TCF7L1: variants seen among roughly 807,000 people sequenced by gnomAD.
TCF7L1 encodes transcription factor 7-like 1.
In TCF7L1, 18 loss-of-function variants were observed where a neutral mutation model predicts 63.7. The ratio of observed to expected loss-of-function variants is 0.28; its 90% CI spans 0.20 to 0.42. TCF7L1 has a LOEUF of 0.42. Ranked by LOEUF, TCF7L1 falls within the 10% of genes least tolerant of loss-of-function variation. The probability of loss-of-function intolerance (pLI) is 1.00; values close to 1 mark genes in which losing one functional copy is unlikely to be tolerated. For synonymous variants in TCF7L1, 355 were observed against 340.9 expected, an observed-to-expected ratio of 1.04 and a Z score of -0.46; for missense variants, 654 against 779.3, an observed-to-expected ratio of 0.84 and a Z score of 1.91.
At chr2:85,249,464 C>T (rs192331541) in intron 3 of TCF7L1, among the ~76,000 whole-genome samples, 1 of 152,282 alleles carries the variant, frequency 6.6e-6, no homozygotes, top group Admixed American at 6.5e-5. Context: ...CATCCTGTGC[C>T]TCTTTCCTTT....
chr2:85,159,518 T>C (rs928175638), intron 3 of TCF7L1, among the ~76,000 whole-genome samples: 2 of 152,224 alleles, frequency 1.3e-5, no homozygotes, highest in African/African-American at 4.8e-5. Flanking sequence ...ACACATTGGC[T>C]GCCTGCACTT....
chr2:85,168,458 T>G (rs1279162190), intron 3 of TCF7L1, among the ~76,000 whole-genome samples: 1 of 152,118 alleles, frequency 6.6e-6, no homozygotes, highest in African/African-American at 2.4e-5. Context: ...AGGCAGGCCC[T>G]ACACTGTCCC....
rs7574999 is a variant in TCF7L1, at chr2:85,283,842, A to G, written c.525+264A>G. 0.66 allele frequency among the ~76,000 whole-genome samples: 99,809 copies of G among 152,088 alleles called. 33,429 individuals are homozygous for G. Among genetic ancestry groups the G allele is most frequent in the African/African-American group, 0.79 (32,583 of 41,486 alleles). ...CTGGCTGCTCACCCTGGTTCATCACAGAAGCCTGCCTGCGATCCTTCCCGG... is the reference window on the plus strand; with the variant it reads ...CTGGCTGCTCACCCTGGTTCATCACGGAAGCCTGCCTGCGATCCTTCCCGG... On this transcript the variant is annotated intron_variant, in intron 4 of 11. Coordinates refer to ENST00000282111, the MANE Select transcript of TCF7L1 (RefSeq NM_031283.3).
At chr2:85,170,257 G>A (rs1014739771) in intron 3 of TCF7L1, among the ~76,000 whole-genome samples, 1 of 152,096 alleles carries the variant, frequency 6.6e-6, no homozygotes, top group Non-Finnish European at 1.5e-5. Context: ...TCTTCCATAG[G>A]TGGATTTCAT....
At chr2:85,205,807 C>T (rs766230256) in intron 3 of TCF7L1, among the ~76,000 whole-genome samples, 4 of 152,204 alleles carry the variant, frequency 2.6e-5, no homozygotes, top group East Asian at 1.9e-4. Context: ...AGGCGTGAGC[C>T]GCTGCACCCA....
chr2:85,183,130 G>C (rs1455074843), intron 3 of TCF7L1, among the ~76,000 whole-genome samples: 1 of 152,144 alleles, frequency 6.6e-6, no homozygotes, highest in Non-Finnish European at 1.5e-5. Context: ...GGTATTGTCT[G>C]TGCCACAGTG....
chr2:85,169,279 T>A (rs1220352422), intron 3 of TCF7L1, among the ~76,000 whole-genome samples: 1 of 151,788 alleles, frequency 6.6e-6, no homozygotes, highest in Admixed American at 6.6e-5. Flanking sequence ...TTCCAGACTC[T>A]ACCCCCTAGC....
intron 3 of TCF7L1, among the ~76,000 whole-genome samples, chr2:85,213,469 A>G (rs570976787): frequency 5.6e-4 from 85 of 152,294 alleles, no homozygotes; most frequent in African/African-American, 1.8e-3. Context: ...TTTGGAAGGT[A>G]AGGTCACTGT....
chr2:85,133,696 C>T lies in TCF7L1; in HGVS notation c.12C>T (p.Leu4=), dbSNP rs1354991430. Residue 4 remains leucine, a synonymous_variant, in exon 1 of 12, where the codon CTC becomes CTT. Transcript: ENST00000282111. This position sits in a 1 kb window ranked among gnomAD's most constrained non-coding sequence, Gnocchi z 4.4. MPQ[L]GGGGGGGGGG... is the part of the protein sequence containing the mutation. Reference sequence around the variant, plus strand: ...CCCGCGGCCCCACCATGCCCCAGCTCGGCGGCGGGGGCGGCGGCGGCGGCG... The same window carrying T: ...CCCGCGGCCCCACCATGCCCCAGCTTGGCGGCGGGGGCGGCGGCGGCGGCG... 6 of 1,001,184 alleles carry T rather than the reference C, an allele frequency of 6.0e-6. No homozygotes were observed. The highest frequency in any genetic ancestry group is 7.1e-6 in the Non-Finnish European group (6 of 846,298). 62.0% of individuals were successfully genotyped at this position (1,001,184 alleles called of 1,614,324 possible).
At chr2:85,220,931 C>G (rs1418689032) in intron 3 of TCF7L1, among the ~76,000 whole-genome samples, 2 of 152,020 alleles carry the variant, frequency 1.3e-5, no homozygotes, top group African/African-American at 4.8e-5. Flanking sequence ...AAAATAAAAC[C>G]AGGCTCCTGG....
chr2:85,287,883 T>C (rs1681601165), intron 4 of TCF7L1, among the ~76,000 whole-genome samples: 1 of 152,214 alleles, frequency 6.6e-6, no homozygotes, highest in Non-Finnish European at 1.5e-5. Flanking sequence ...TTTCTATTTA[T>C]GCAGCTCCAA....
At chr2:85,159,289 G>C (rs1277423103) in intron 3 of TCF7L1, among the ~76,000 whole-genome samples, 2 of 152,124 alleles carry the variant, frequency 1.3e-5, no homozygotes, top group African/African-American at 4.8e-5. Flanking sequence ...ATGGTGCCCA[G>C]GCGCCCGGGG....
At position 85,238,093 on chromosome 2, in the gene TCF7L1, T is replaced by C. The variant is rs553149265; in HGVS notation, c.442-45402T>C. On this transcript the variant is annotated intron_variant, in intron 3 of 11. Coordinates refer to ENST00000282111, the MANE Select transcript of TCF7L1 (RefSeq NM_031283.3). Reference sequence around the variant, plus strand: ...AAGCAGATGATTATTAGGTTCCTGCTGTATACCCAGAGCAGCCCTGGCGCA... The same window carrying C: ...AAGCAGATGATTATTAGGTTCCTGCCGTATACCCAGAGCAGCCCTGGCGCA... Among the ~76,000 whole-genome samples the C allele has an allele frequency of 3.3e-5, 5 of 151,270 alleles. No individual in the cohort carries two copies. In the South Asian group the frequency reaches 1.0e-3, roughly 31 times the overall value.
At chr2:85,215,986 C>T (rs903197633) in intron 3 of TCF7L1, among the ~76,000 whole-genome samples, 2 of 152,064 alleles carry the variant, frequency 1.3e-5, no homozygotes, top group African/African-American at 4.8e-5. Flanking sequence ...GGTTTTGAGG[C>T]CTCTGAAGAG....
chr2:85,265,477 A>T, intron 3 of TCF7L1, among the ~76,000 whole-genome samples: 1 of 152,106 alleles, frequency 6.6e-6, no homozygotes, highest in Admixed American at 6.5e-5. Flanking sequence ...CCCAGAGGGG[A>T]ATCCCTCTGG....
intron 3 of TCF7L1, among the ~76,000 whole-genome samples, chr2:85,154,895 C>A (rs988827917): frequency 2.0e-5 from 3 of 152,124 alleles, no homozygotes; most frequent in African/African-American, 4.8e-5. Context: ...CAGCTCACTG[C>A]AACCTCTGCC....
intron 3 of TCF7L1, among the ~76,000 whole-genome samples, chr2:85,144,719 C>CTCTCTGTGTG (rs1553393493): frequency 1.6e-4 from 22 of 140,524 alleles, no homozygotes; most frequent in African/African-American, 5.2e-4. Context: ...CTCTCTCTCT[C>CTCTCTGTGTG]TGTGTGTGTG....
At chr2:85,203,752 A>G (rs1016118721) in intron 3 of TCF7L1, among the ~76,000 whole-genome samples, 1 of 152,134 alleles carries the variant, frequency 6.6e-6, no homozygotes, top group East Asian at 1.9e-4. Context: ...AGAAAAAAAA[A>G]GGAAAGAAAG....
intron 3 of TCF7L1, among the ~76,000 whole-genome samples, chr2:85,223,489 G>A (rs1679892762): frequency 6.6e-6 from 1 of 152,212 alleles, no homozygotes. Context: ...AGAGGGAGGG[G>A]CCGGCAAGGG....
Sources: allele counts gnomAD v4.1 joint callset (sites outside exome capture counted in the v4.1 genomes callset), GRCh38; gene constraint gnomAD v4.1.1; non-coding constraint Gnocchi (gnomAD v3.1); transcripts MANE v1.5; gene names NCBI Gene and HGNC (gene_info 2026-07-23, HGNC 2026-07-21).